The following DNHD1 variants were observed in gnomAD, a reference collection of about 807,000 sequenced individuals.
The protein encoded by DNHD1 is dynein heavy chain domain-containing protein 1.
In DNHD1, 383 loss-of-function variants were observed where a neutral mutation model predicts 458.1. The observed-to-expected ratio is 0.84, with a 90% CI of 0.77 to 0.91. The LOEUF (loss-of-function observed/expected upper bound fraction) is 0.91, where lower values mean the gene tolerates loss of function less well. Ranked by LOEUF, DNHD1 falls within the 40% of genes least tolerant of loss-of-function variation. DNHD1 has a pLI of 0.00. For missense variants in DNHD1, 5,336 were observed against 5,866.1 expected (o/e 0.91, Z 2.95); for synonymous variants, 2,203 against 2,376.9 (o/e 0.93, Z 2.13).
rs1853196171 is a variant in DNHD1, at chr11:6,545,649, TC to T, written c.4711del (p.Leu1571SerfsTer9). 6.4e-7 allele frequency: 1 copy of T among 1,551,604 alleles called. No homozygotes were observed. Among genetic ancestry groups the T allele is most frequent in the South Asian group, 1.2e-5 (1 of 84,066 alleles). On this transcript the variant is annotated frameshift_variant, in exon 21 of 43. Transcript: ENST00000254579. LOFTEE classifies it high-confidence loss of function. The surrounding 1 kb of genome is among the most constrained non-coding windows in gnomAD (Gnocchi z 4.9). The stretch of plus-strand genomic sequence containing the variant: ...TGCCTTCTGTCCGCCAGACCAGCCT[TC>T]TCAGTGCCCTGCTGGTCATGGCAGT... ...SLPSVRQTSL[L>X]SALLVMAVTH...
At chr11:6,513,108 G>A (rs1249656645) in intron 7 of DNHD1, among the ~76,000 whole-genome samples, 1 of 152,132 alleles carries the variant, frequency 6.6e-6, no homozygotes, top group South Asian at 2.1e-4. Flanking sequence ...TGAGGCAGGA[G>A]ATGGGGGTGA....
At chr11:6,516,068 T>C (rs1399358762) in intron 7 of DNHD1, among the ~76,000 whole-genome samples, 1 of 149,604 alleles carries the variant, frequency 6.7e-6, no homozygotes, top group East Asian at 1.9e-4. Context: ...ATTATAGGCA[T>C]GAGCCACCAC....
chr11:6,570,489 T>C lies in DNHD1; in HGVS notation c.13105+93T>C, dbSNP rs3802983. On this transcript the variant is annotated intron_variant, in intron 41 of 42. Coordinates refer to ENST00000254579, the MANE Select transcript of DNHD1 (RefSeq NM_144666.3). ...ATGTGGACAGCAGTCTCAATAAAGGTATATGAGGGGGTAATATTCATACTG... is the reference window on the plus strand; with the variant it reads ...ATGTGGACAGCAGTCTCAATAAAGGCATATGAGGGGGTAATATTCATACTG... The C allele has an allele frequency of 3.2e-3, 4,783 of 1,488,638 alleles. 101 individuals are homozygous for C. In the East Asian group the frequency reaches 0.065, roughly 20 times the overall value. 92.2% of individuals were successfully genotyped at this position (1,488,638 alleles called of 1,614,324 possible).
At chr11:6,513,169 T>C (rs1405146083) in intron 7 of DNHD1, among the ~76,000 whole-genome samples, 1 of 152,234 alleles carries the variant, frequency 6.6e-6, no homozygotes, top group Non-Finnish European at 1.5e-5. Flanking sequence ...CCACCTTTAA[T>C]GTTATAAAAA....
At position 6,546,927 on chromosome 11, in the gene DNHD1, C is replaced by T. The variant is rs370040987; in HGVS notation, c.5988C>T (p.Ser1996=). Residue 1996 remains serine, a synonymous_variant, in exon 21 of 43, where the codon AGC becomes AGT. Transcript: ENST00000254579. ...SGILLLGPAG[S]GKTTCWHSLF... Reference sequence around the variant, plus strand: ...TTCTGCTCCTGGGCCCTGCGGGCAGCGGCAAGACCACTTGTTGGCACAGCT... The same window carrying T: ...TTCTGCTCCTGGGCCCTGCGGGCAGTGGCAAGACCACTTGTTGGCACAGCT... The T allele has an allele frequency of 1.8e-5, 28 of 1,551,494 alleles. 1 individual carries two copies. The highest frequency in any genetic ancestry group is 1.2e-4 in the African/African-American group (9 of 73,156).
At position 6,571,246 on chromosome 11, in the gene DNHD1, G is replaced by C. The variant is rs1251478646; in HGVS notation, c.13734G>C (p.Glu4578Asp). 4 of 1,612,514 alleles carry C rather than the reference G, an allele frequency of 2.5e-6. No individual in the cohort carries two copies. The African/African-American group carries it at 5.3e-5, about 22-fold the overall frequency. Residue 4578 changes from glutamate (E) to aspartate (D), a missense_variant, in exon 42 of 43, where the codon GAG becomes GAC. By Grantham distance (45) the Glu-to-Asp change is conservative. This residue lies in a region of DNHD1 where 698 missense variants were observed against 664.9 expected (regional missense o/e 1.05). Coordinates refer to ENST00000254579, the MANE Select transcript of DNHD1 (RefSeq NM_144666.3). This position sits in a 1 kb window ranked among gnomAD's most constrained non-coding sequence, Gnocchi z 5.0. ...CGGACGCGAGCAGTGATGTACCAGA[G>C]CGCGTCTTCCACCTGTCAGCCTTTC... ...VGADASSDVP[E>D]RVFHLSAFRH...
rs1489256898 is a variant in DNHD1, at chr11:6,557,131, T to G, written c.7836T>G (p.Gly2612=). 7.7e-6 allele frequency: 12 copies of G among 1,551,522 alleles called. No homozygotes were observed. The highest frequency in any genetic ancestry group is 1.0e-5 in the Non-Finnish European group (12 of 1,146,988). Residue 2612 remains glycine (G), a synonymous_variant, in exon 25 of 43, where the codon GGT becomes GGG. Transcript: ENST00000254579. Reference sequence around the variant, plus strand: ...TGCCCAACAGAACAGGCTCCCGAGGTTTTGTGGACTATCCCAACCACCAGG... The same window carrying G: ...TGCCCAACAGAACAGGCTCCCGAGGGTTTGTGGACTATCCCAACCACCAGG... The part of the protein sequence containing the change: ...QLLPNRTGSR[G]FVDYPNHQEH...
In DNHD1 at chr11:6,547,472, T is replaced by C; in HGVS notation, c.6533T>C (p.Leu2178Pro). The C allele has an allele frequency of 6.4e-7, 1 of 1,550,942 alleles. No homozygotes were observed. Among genetic ancestry groups the C allele is most frequent in the Non-Finnish European group, 8.7e-7 (1 of 1,146,306 alleles). Residue 2178 changes from leucine (L) to proline (P), a missense_variant, in exon 21 of 43, where the codon CTC (leucine) becomes CCC (proline). Leu to Pro is a moderately conservative substitution (Grantham distance 98). Around this residue, in one of 4 missense-constraint regions of DNHD1, gnomAD observed 3,932 missense variants for 4,365.6 expected, o/e 0.90. Coordinates refer to ENST00000254579, the MANE Select transcript of DNHD1 (RefSeq NM_144666.3). ...CTGCAGCACCGGACAGTCGCTGAGCTCAACCACATGGCTGAGGTTCTGGTG... is the reference window on the plus strand; with the variant it reads ...CTGCAGCACCGGACAGTCGCTGAGCCCAACCACATGGCTGAGGTTCTGGTG... Reference protein sequence around the residue: ...YRLQHRTVAELNHMAEVLVPA... With the variant: ...YRLQHRTVAEPNHMAEVLVPA...
chr11:6,515,800 T>TA (rs1852451385), intron 7 of DNHD1, among the ~76,000 whole-genome samples: 2 of 145,732 alleles, frequency 1.4e-5, no homozygotes. Flanking sequence ...TTTTTTTTTT[T>TA]TTGAGTCAGG....
intron 13 of DNHD1, 115 bp from the exon 14 acceptor site, chr11:6,533,566 G>A: frequency 7.6e-7 from 1 of 1,317,006 alleles, no homozygotes; most frequent in Non-Finnish European, 1.0e-6. Flanking sequence ...TTGATTACAA[G>A]GCTGCAACTG....
At chr11:6,523,845 A>T (rs1211655087) in intron 10 of DNHD1, among the ~76,000 whole-genome samples, 2 of 152,140 alleles carry the variant, frequency 1.3e-5, no homozygotes, top group African/African-American at 2.4e-5. Context: ...CAAATCAGCC[A>T]GGCATGGTAG....
chr11:6,545,885 A>T lies in DNHD1; in HGVS notation c.4946A>T (p.Tyr1649Phe), dbSNP rs1853203857. 12 of 1,551,834 alleles carry T rather than the reference A, an allele frequency of 7.7e-6. No homozygotes were observed. Among genetic ancestry groups the T allele is most frequent in the Non-Finnish European group, 9.6e-6 (11 of 1,147,006 alleles). The stretch of plus-strand genomic sequence containing the variant: ...GATGTGCTAGGCAGGTCCTTCCTGT[A>T]CAATTACGAGTATCTGGGACCTAGA... ...WIDVLGRSFL[Y>F]NYEYLGPRLG... is the part of the protein sequence containing the mutation. The change falls in exon 21 of 43, where the codon TAC (tyrosine) becomes TTC (phenylalanine). Residue 1649 changes from tyrosine to phenylalanine, a missense_variant. By Grantham distance (22) the Tyr-to-Phe change is conservative (BLOSUM62 3). Around this residue, in one of 4 missense-constraint regions of DNHD1, gnomAD observed 3,932 missense variants for 4,365.6 expected, o/e 0.90. Coordinates refer to ENST00000254579, the MANE Select transcript of DNHD1 (RefSeq NM_144666.3). The surrounding 1 kb of genome is among the most constrained non-coding windows in gnomAD (Gnocchi z 4.9).
Position 6,498,443 on chromosome 11 carries a change from T to C in DNHD1, c.228T>C (p.Ser76=), listed in dbSNP as rs746098981. The part of the protein sequence containing the change: ...RTLFSAVLQD[S]SPAAWRYLHA... The stretch of plus-strand genomic sequence containing the variant: ...TGTTCTCAGCTGTGTTGCAGGACAG[T>C]AGCCCTGCAGCTTGGCGCTATCTTC... The change falls in exon 3 of 43, where the codon AGT becomes AGC. Residue 76 remains serine (S), a synonymous_variant. Coordinates refer to ENST00000254579, the MANE Select transcript of DNHD1 (RefSeq NM_144666.3). 16 of 1,614,226 alleles carry C rather than the reference T, an allele frequency of 9.9e-6. No homozygotes were observed. Among genetic ancestry groups the C allele is most frequent in the Non-Finnish European group, 1.0e-5 (12 of 1,180,042 alleles).
At chr11:6,539,655 G>T (rs977501688) in intron 17 of DNHD1, among the ~76,000 whole-genome samples, 1 of 152,220 alleles carries the variant, frequency 6.6e-6, no homozygotes, top group Non-Finnish European at 1.5e-5. Flanking sequence ...GCAAAAGTGG[G>T]TGGGGGTTCC....
intron 4 of DNHD1, chr11:6,503,874 C>T (rs1482208118): frequency 2.0e-5 from 3 of 152,180 alleles, no homozygotes; most frequent in Non-Finnish European, 4.4e-5. Context: ...ATATATTAGG[C>T]ATTGTGCTAA....
intron 32 of DNHD1, among the ~76,000 whole-genome samples, chr11:6,565,023 C>T (rs1853667551): frequency 6.6e-6 from 1 of 152,178 alleles, no homozygotes; most frequent in African/African-American, 2.4e-5. Flanking sequence ...CCATGATCTT[C>T]CACTTCCCTG....
intron 4 of DNHD1, among the ~76,000 whole-genome samples, chr11:6,506,400 TTA>T (rs1461192412): frequency 6.6e-6 from 1 of 152,130 alleles, no homozygotes; most frequent in Non-Finnish European, 1.5e-5. Context: ...TATACAGATA[TTA>T]TATTTCATAT....
At chr11:6,556,361 G>A (rs1056136370) in intron 24 of DNHD1, among the ~76,000 whole-genome samples, 1 of 152,080 alleles carries the variant, frequency 6.6e-6, no homozygotes, top group Non-Finnish European at 1.5e-5. Flanking sequence ...AATTGTGATC[G>A]ATCTGGTTTC....
chr11:6,563,554 ATT>A lies in DNHD1; in HGVS notation c.9846_9847del (p.Phe3282LeufsTer96). ...GCCAAACAGCTGTTATGCACTGAGG[ATT>A]TTTATCAGGTAGGAAGGGTGGAGCA... On this transcript the variant is annotated frameshift_variant, in exon 30 of 43. Transcript: ENST00000254579. LOFTEE classifies it high-confidence loss of function. The A allele has an allele frequency of 1.9e-6, 3 of 1,551,624 alleles. No individual in the cohort carries two copies. The highest frequency in any genetic ancestry group is 2.6e-6 in the Non-Finnish European group (3 of 1,146,974).
Sources: allele counts gnomAD v4.1 joint callset (sites outside exome capture counted in the v4.1 genomes callset), GRCh38; gene constraint gnomAD v4.1.1; regional missense constraint gnomAD v4.1.1; non-coding constraint Gnocchi (gnomAD v3.1); transcripts MANE v1.5; gene names NCBI Gene and HGNC (gene_info 2026-07-23, HGNC 2026-07-21).